GLIS3: variants seen among roughly 807,000 people sequenced by gnomAD.
The protein encoded by GLIS3 is zinc finger protein GLIS3.
A neutral mutation model predicts 78.6 loss-of-function variants in GLIS3; 53 were observed. The observed-to-expected ratio is 0.67, with a 90% confidence interval of 0.54 to 0.85. The LOEUF (loss-of-function observed/expected upper bound fraction) is 0.85. GLIS3 is among the 40% of genes least tolerant of loss of function. The probability of loss-of-function intolerance (pLI) is 0.00; values close to 1 mark genes in which losing one functional copy is unlikely to be tolerated. For missense variants in GLIS3, 1,703 were observed against 1,231.1 expected (o/e 1.38, Z -5.74); for synonymous variants, 684 against 509.9 (o/e 1.34, Z -4.60).
At chr9:4,477,182 G>A in the GLIS3 span, among the ~76,000 whole-genome samples, 1 of 151,958 alleles carries the variant, frequency 6.6e-6, no homozygotes, top group East Asian at 1.9e-4. Flanking sequence ...TCCACCAATG[G>A]ATGGATAAAC....
At chr9:4,179,175 G>A (rs1005797344) in intron 2 of GLIS3, among the ~76,000 whole-genome samples, 2 of 152,154 alleles carry the variant, frequency 1.3e-5, no homozygotes, top group Admixed American at 1.3e-4. Flanking sequence ...TGTTCAGTAG[G>A]AAAGACTGAA....
the GLIS3 span, among the ~76,000 whole-genome samples, chr9:4,443,206 C>T: frequency 6.6e-6 from 1 of 152,336 alleles, no homozygotes; most frequent in East Asian, 1.9e-4. Context: ...TAACAAGCTA[C>T]TGTCTGCTTC....
chr9:4,064,801 T>A lies in GLIS3; in HGVS notation c.1710+52967A>T, dbSNP rs988744803. On this transcript the variant is annotated intron_variant, in intron 4 of 10. Coordinates refer to ENST00000381971, the MANE Select transcript of GLIS3 (RefSeq NM_001042413.2). ...ATCTTATTTCATTTCCATTTTCTCA[T>A]ATAGGGAAGTAGGCTTCAAACTGAA... is the stretch of plus-strand genomic sequence containing the variant. Among the ~76,000 whole-genome samples, 7 of 152,260 alleles carry A rather than the reference T, an allele frequency of 4.6e-5. No homozygotes were observed. The East Asian group carries it at 7.7e-4, about 17-fold the overall frequency.
intron 6 of GLIS3, among the ~76,000 whole-genome samples, chr9:3,920,743 T>G (rs966731457): frequency 2.0e-5 from 3 of 152,092 alleles, no homozygotes; most frequent in African/African-American, 7.2e-5. Context: ...ATGTCAAGGA[T>G]GTCCTTTGCA....
chr9:4,309,576 G>C (rs1817309330), intron 3 of GLIS3, among the ~76,000 whole-genome samples: 1 of 152,114 alleles, frequency 6.6e-6, no homozygotes, highest in South Asian at 2.1e-4. Flanking sequence ...AGGAATAAAA[G>C]GCCACAAAAG....
At chr9:4,479,157 C>A in the GLIS3 span, among the ~76,000 whole-genome samples, 1 of 152,172 alleles carries the variant, frequency 6.6e-6, no homozygotes, top group Non-Finnish European at 1.5e-5. Context: ...AACTACTGGG[C>A]TTGAGCAGTC....
chr9:3,861,312 G>T (rs757791034), intron 8 of GLIS3, among the ~76,000 whole-genome samples: 12 of 152,028 alleles, frequency 7.9e-5, no homozygotes, highest in African/African-American at 2.9e-4. Context: ...ATTATTGGAG[G>T]GAATGTAAAT....
chr9:4,100,601 A>G (rs1405909795), intron 4 of GLIS3, among the ~76,000 whole-genome samples: 1 of 152,198 alleles, frequency 6.6e-6, no homozygotes, highest in Non-Finnish European at 1.5e-5. Context: ...TCAAATTCTG[A>G]GGGCTTTTTT....
chr9:4,191,378 G>A (rs543337838), intron 2 of GLIS3, among the ~76,000 whole-genome samples: 16 of 152,074 alleles, frequency 1.1e-4, no homozygotes, highest in African/African-American at 3.1e-4. Flanking sequence ...CATAAAAATC[G>A]TTATCATAAT....
intron 2 of GLIS3, among the ~76,000 whole-genome samples, chr9:4,265,539 G>T (rs1335555725): frequency 6.6e-6 from 1 of 152,000 alleles, no homozygotes; most frequent in African/African-American, 2.4e-5. Flanking sequence ...CCAGAAAGTG[G>T]GATGATCAAG....
At chr9:4,343,455 A>G (rs896692086) in intron 2 of GLIS3, among the ~76,000 whole-genome samples, 1 of 152,238 alleles carries the variant, frequency 6.6e-6, no homozygotes, top group Non-Finnish European at 1.5e-5. Context: ...ATGCTTATAC[A>G]CTGCTGGCAG....
intron 4 of GLIS3, among the ~76,000 whole-genome samples, chr9:4,006,329 A>AC (rs1821548610): frequency 6.7e-6 from 1 of 150,100 alleles, no homozygotes; most frequent in Admixed American, 6.6e-5. Context: ...AAAAAAAAAA[A>AC]CTAGAGTATT....
chr9:4,064,032 G>A (rs1456379834), intron 4 of GLIS3, among the ~76,000 whole-genome samples: 2 of 151,898 alleles, frequency 1.3e-5, no homozygotes, highest in African/African-American at 4.8e-5. Flanking sequence ...CTGAAATGTA[G>A]AAGCTCAATA....
the GLIS3 span, among the ~76,000 whole-genome samples, chr9:4,374,107 G>A: frequency 1.3e-5 from 2 of 152,200 alleles, no homozygotes; most frequent in African/African-American, 4.8e-5. Flanking sequence ...CTGTCCACCT[G>A]TATTCCTCTA....
At chr9:4,054,943 C>T (rs536937438) in intron 4 of GLIS3, among the ~76,000 whole-genome samples, 6 of 152,160 alleles carry the variant, frequency 3.9e-5, no homozygotes, top group Non-Finnish European at 7.3e-5. Flanking sequence ...CTTCCCACAG[C>T]AGCTACAAAT....
rs528945476 is a variant in GLIS3 at position 4,225,064 on chromosome 9, G to A, written c.388+60974C>T. 1.6e-4 allele frequency among the ~76,000 whole-genome samples: 24 copies of A among 151,434 alleles called. No individual in the cohort carries two copies. In the South Asian group the frequency reaches 4.0e-3, roughly 25 times the overall value. On this transcript the variant is annotated intron_variant, in intron 2 of 10. Coordinates refer to ENST00000381971, the MANE Select transcript of GLIS3 (RefSeq NM_001042413.2). ...CATTTGACTTGCACAATAATCACAC[G>A]AGATAGTTAAGCAGGCATTATTACG...
At chr9:4,464,701 T>G in the GLIS3 span, among the ~76,000 whole-genome samples, 1 of 152,150 alleles carries the variant, frequency 6.6e-6, no homozygotes, top group Non-Finnish European at 1.5e-5. Flanking sequence ...GGCCTGATAT[T>G]TTCTTTGAAA....
intron 2 of GLIS3, among the ~76,000 whole-genome samples, chr9:4,324,477 A>G (rs1426769847): frequency 6.6e-6 from 1 of 152,230 alleles, no homozygotes; most frequent in Non-Finnish European, 1.5e-5. Context: ...AACAGGTGAA[A>G]AGTTCTTTGT....
intron 4 of GLIS3, among the ~76,000 whole-genome samples, chr9:3,949,853 A>C (rs1198856297): frequency 6.6e-6 from 1 of 152,224 alleles, no homozygotes; most frequent in African/African-American, 2.4e-5. Context: ...GTTGGTGGAT[A>C]TAAGAATCCA....
Sources: gnomAD v4.1 joint callset for allele counts (sites outside exome capture counted in the v4.1 genomes callset) on GRCh38, gnomAD v4.1.1 for gene constraint, MANE v1.5 for transcripts, NCBI Gene and HGNC (gene_info 2026-07-23, HGNC 2026-07-21) for gene names.